Variants in GRID2 observed in about 807,000 individuals in gnomAD.
GRID2 encodes glutamate ionotropic receptor delta type subunit 2, also known as glutamate receptor ionotropic, delta-2.
A neutral mutation model predicts 114.8 loss-of-function variants in GRID2; 33 were observed. The observed-to-expected ratio is 0.29, with a 90% CI of 0.22 to 0.38. The LOEUF (loss-of-function observed/expected upper bound fraction) is 0.38, where lower values mean the gene tolerates loss of function less well. Ranked by LOEUF, GRID2 falls within the 10% of genes least tolerant of loss-of-function variation. The pLI is 1.00. For missense variants in GRID2, 1,184 were observed against 1,257.7 expected (o/e 0.94, Z 0.89); for synonymous variants, 505 against 449.9 (o/e 1.12, Z -1.55).
intron 14 of GRID2, among the ~76,000 whole-genome samples, chr4:93,717,937 G>A (rs1236723325): frequency 1.3e-5 from 2 of 152,130 alleles, no homozygotes; most frequent in Non-Finnish European, 1.5e-5. Flanking sequence ...TGTAATACAG[G>A]AAAGAATATG....
At position 93,198,108 on chromosome 4, in the gene GRID2, G is replaced by GA. The variant is rs200479278; in HGVS notation, c.736-9288dup. Reference sequence around the variant, plus strand: ...TCTTATTTCCGCAAGCAACATTTAGGAAAAAAAATCTGACCCATTCCTAGC... The same window carrying GA: ...TCTTATTTCCGCAAGCAACATTTAGGAAAAAAAAATCTGACCCATTCCTAGC... On this transcript the variant is annotated intron_variant, in intron 4 of 15. Transcript: ENST00000282020. 4.4e-3 allele frequency among the ~76,000 whole-genome samples: 666 copies of GA among 151,862 alleles called. 4 individuals carry two copies. The highest frequency in any genetic ancestry group is 0.015 in the African/African-American group (640 of 41,406).
intron 2 of GRID2, among the ~76,000 whole-genome samples, chr4:93,014,275 A>G (rs1722469132): frequency 6.6e-6 from 1 of 152,096 alleles, no homozygotes; most frequent in Non-Finnish European, 1.5e-5. Context: ...CTCTAATGCC[A>G]TCATCTTCAG....
chr4:92,826,735 CT>C (rs1033512458), intron 2 of GRID2, among the ~76,000 whole-genome samples: 3 of 152,034 alleles, frequency 2.0e-5, no homozygotes, highest in Admixed American at 6.6e-5. Flanking sequence ...TAATTTAGTA[CT>C]TTTGTACAAA....
At chr4:92,946,249 A>G (rs1315098886) in intron 2 of GRID2, among the ~76,000 whole-genome samples, 2 of 152,048 alleles carry the variant, frequency 1.3e-5, no homozygotes, top group African/African-American at 4.8e-5. Context: ...TACAATATAT[A>G]CCTATTCCCA....
At position 92,334,505 on chromosome 4, in the gene GRID2, C is replaced by T. The variant is rs530360269; in HGVS notation, c.88+29761C>T. Among the ~76,000 whole-genome samples, 266 of 152,064 alleles carry T rather than the reference C, an allele frequency of 1.7e-3. 1 individual carries two copies. The highest frequency in any genetic ancestry group is 2.3e-3 in the Non-Finnish European group (155 of 67,988). ...GCATGGTGGTGGTATTTGGTGAGGA[C>T]TTCTGTACTGCATCATCCCACGGCA... On this transcript the variant is annotated intron_variant, in intron 1 of 15. Coordinates refer to ENST00000282020, the MANE Select transcript of GRID2 (RefSeq NM_001510.4).
chr4:93,805,783 A>C (rs1168912768), intron 1 of GRID2, among the ~76,000 whole-genome samples: 1 of 152,192 alleles, frequency 6.6e-6, no homozygotes, highest in Non-Finnish European at 1.5e-5. Context: ...TTTCAAGAAA[A>C]AGGGAAGTTT....
At chr4:92,959,497 A>G (rs184106020) in intron 2 of GRID2, among the ~76,000 whole-genome samples, 2 of 151,798 alleles carry the variant, frequency 1.3e-5, no homozygotes, top group Non-Finnish European at 2.9e-5. Flanking sequence ...CAGCAATCCC[A>G]CTGTTGGGTA....
At chr4:93,140,498 C>T (rs1169525429) in intron 4 of GRID2, among the ~76,000 whole-genome samples, 2 of 152,084 alleles carry the variant, frequency 1.3e-5, no homozygotes, top group African/African-American at 4.8e-5. Context: ...GGCATTTGCT[C>T]AATTTTATGT....
intron 2 of GRID2, among the ~76,000 whole-genome samples, chr4:92,944,322 A>T (rs986912989): frequency 6.6e-6 from 1 of 152,146 alleles, no homozygotes; most frequent in Non-Finnish European, 1.5e-5. Flanking sequence ...TTGATCTCAG[A>T]CTGCTGTGCT....
At chr4:93,790,970 G>A (rs192856501) in intron 1 of GRID2, among the ~76,000 whole-genome samples, 105 of 152,292 alleles carry the variant, frequency 6.9e-4, no homozygotes, top group African/African-American at 2.5e-3. Flanking sequence ...TTTGTTCACA[G>A]TAGGCTCAAA....
At chr4:93,070,730 G>T (rs985995459) in intron 2 of GRID2, among the ~76,000 whole-genome samples, 3 of 151,908 alleles carry the variant, frequency 2.0e-5, no homozygotes, top group Admixed American at 6.6e-5. Flanking sequence ...ACATTCTTCT[G>T]CCAATTTTAA....
In GRID2 at chr4:92,675,551, A is replaced by ATT. The variant is rs576488084; in HGVS notation, c.244+85281_244+85282dup. 1.9e-3 allele frequency among the ~76,000 whole-genome samples: 253 copies of ATT among 133,006 alleles called. 1 individual carries two copies. Among genetic ancestry groups the ATT allele is most frequent in the Non-Finnish European group, 2.4e-3 (146 of 61,668 alleles). The allele number at this position is 133,006 out of a possible 152,430, so 87.3% of individuals were successfully genotyped here. A position where few individuals can be genotyped will look rare whatever the true frequency, so the allele number is the denominator to read the frequency against. On this transcript the variant is annotated intron_variant, in intron 2 of 15. Coordinates refer to ENST00000282020, the MANE Select transcript of GRID2 (RefSeq NM_001510.4). Reference sequence around the variant, plus strand: ...AACACCAGTCTCTGTTTGGGCTACAATTTTTTTTTTTTTTTTTGAGACAGA... The same window carrying ATT: ...AACACCAGTCTCTGTTTGGGCTACAATTTTTTTTTTTTTTTTTTTGAGACAGA...
At chr4:93,589,308 T>C (rs1188812306) in intron 13 of GRID2, among the ~76,000 whole-genome samples, 1 of 151,146 alleles carries the variant, frequency 6.6e-6, no homozygotes, top group Non-Finnish European at 1.5e-5. Flanking sequence ...GGTGTTTGGT[T>C]TTTTTGTTCT....
At chr4:93,071,351 A>G (rs1208583382) in intron 2 of GRID2, among the ~76,000 whole-genome samples, 5 of 152,138 alleles carry the variant, frequency 3.3e-5, no homozygotes, top group Non-Finnish European at 5.9e-5. Flanking sequence ...TTAGGTGCCT[A>G]AAACAGACCA....
intron 13 of GRID2, among the ~76,000 whole-genome samples, chr4:93,603,340 C>T (rs971605156): frequency 6.6e-6 from 1 of 152,184 alleles, no homozygotes; most frequent in Non-Finnish European, 1.5e-5. Flanking sequence ...AAAGCCTAAG[C>T]CAGAGCAAGG....
chr4:93,513,387 C>A (rs1729384006), intron 12 of GRID2, among the ~76,000 whole-genome samples: 2 of 152,090 alleles, frequency 1.3e-5, no homozygotes, highest in Admixed American at 6.6e-5. Flanking sequence ...CAGTAAATTG[C>A]TCTCTTGAAA....
At chr4:93,599,202 A>T (rs1739424432) in intron 13 of GRID2, among the ~76,000 whole-genome samples, 1 of 152,170 alleles carries the variant, frequency 6.6e-6, no homozygotes, top group South Asian at 2.1e-4. Flanking sequence ...AATGTGAATC[A>T]CCTGCAGCAC....
At position 92,384,559 on chromosome 4, in the gene GRID2, A is replaced by G. The variant is rs1274378086; in HGVS notation, c.88+79815A>G. Among the ~76,000 whole-genome samples, 11 of 76,452 alleles carry G rather than the reference A, an allele frequency of 1.4e-4. 1 individual carries two copies. The highest frequency in any genetic ancestry group is 2.1e-4 in the Non-Finnish European group (9 of 42,556). The allele number at this position is 76,452 out of a possible 152,430, so 50.2% of individuals were successfully genotyped here. ...TAATATAATATATAATATATATTAT[A>G]TATAATATAATATATAAAATATATT... On this transcript the variant is annotated intron_variant, in intron 1 of 15. Transcript: ENST00000282020.
At chr4:93,723,512 G>A (rs894469502) in intron 14 of GRID2, among the ~76,000 whole-genome samples, 4 of 152,172 alleles carry the variant, frequency 2.6e-5, no homozygotes, top group Non-Finnish European at 5.9e-5. Context: ...ACTGACCATA[G>A]TGACCATATA....
Sources: allele counts gnomAD v4.1 joint callset (sites outside exome capture counted in the v4.1 genomes callset), GRCh38; gene constraint gnomAD v4.1.1; transcripts MANE v1.5; gene names NCBI Gene and HGNC (gene_info 2026-07-23, HGNC 2026-07-21).